PDZD2: variants seen among roughly 807,000 people sequenced by gnomAD.
The protein encoded by PDZD2 is PDZ domain containing 2.
In PDZD2, 90 loss-of-function variants were observed where a neutral mutation model predicts 220.7. That is an observed-to-expected ratio of 0.41 (90% CI 0.34 to 0.49). The LOEUF is 0.49. Ranked by LOEUF, PDZD2 falls within the 20% of genes least tolerant of loss-of-function variation. The pLI is 0.28. For missense variants in PDZD2, 3,174 were observed against 3,608.5 expected (o/e 0.88, Z 3.08); for synonymous variants, 1,375 against 1,450.5 (o/e 0.95, Z 1.18).
intron 2 of PDZD2, among the ~76,000 whole-genome samples, chr5:31,872,677 C>T (rs1020691330): frequency 7.9e-5 from 12 of 152,096 alleles, no homozygotes; most frequent in African/African-American, 2.9e-4. Flanking sequence ...ACCATGGCTG[C>T]CCCCAAACTT....
intron 2 of PDZD2, among the ~76,000 whole-genome samples, chr5:31,865,564 A>G (rs1360175974): frequency 6.9e-6 from 1 of 145,450 alleles, no homozygotes; most frequent in Non-Finnish European, 1.5e-5. Flanking sequence ...CTCCTGCCTC[A>G]GGTTCCCAAA....
chr5:32,091,411 A>C (rs1372146738), intron 20 of PDZD2, among the ~76,000 whole-genome samples: 1 of 150,014 alleles, frequency 6.7e-6, no homozygotes, highest in African/African-American at 2.5e-5. Context: ...CAGCCTCCTG[A>C]GTAGCTGGGA....
At chr5:31,926,526 GAAAAAAAA>G (rs71300157) in intron 2 of PDZD2, among the ~76,000 whole-genome samples, 8 of 84,004 alleles carry the variant, frequency 9.5e-5, no homozygotes, top group Admixed American at 8.0e-4. Context: ...AACTGCATCT[GAAAAAAAA>G]AAAAAAAAAA....
intron 6 of PDZD2, among the ~76,000 whole-genome samples, chr5:32,022,890 G>A (rs188107723): frequency 1.6e-3 from 250 of 152,260 alleles, no homozygotes; most frequent in African/African-American, 5.6e-3. Flanking sequence ...GATTACTCAA[G>A]CAGCGTGGCA....
At chr5:31,880,605 C>CTGTA (rs1383821522) in intron 2 of PDZD2, among the ~76,000 whole-genome samples, 1 of 152,070 alleles carries the variant, frequency 6.6e-6, no homozygotes, top group Non-Finnish European at 1.5e-5. Flanking sequence ...ATTCATAGCT[C>CTGTA]TGTACTAAAT....
chr5:31,706,399 G>C (rs1198287747), intron 1 of PDZD2, among the ~76,000 whole-genome samples: 1 of 152,054 alleles, frequency 6.6e-6, no homozygotes, highest in Non-Finnish European at 1.5e-5. Context: ...ATTGAAGGGG[G>C]CAGGACTGGT....
chr5:32,106,469 C>T (rs1352615915), intron 24 of PDZD2: 1 of 152,258 alleles, frequency 6.6e-6, no homozygotes, highest in East Asian at 1.9e-4. Flanking sequence ...AGAAGACTTT[C>T]CTCTACTTCA....
At chr5:31,752,069 G>GTTTTTTTTTTTTTTTTTTTTTTTTTTT (rs1491302993) in intron 1 of PDZD2, among the ~76,000 whole-genome samples, 2 of 95,858 alleles carry the variant, frequency 2.1e-5, no homozygotes, top group Non-Finnish European at 3.8e-5. Context: ...ATTGTTTTGG[G>GTTTTTTTTTTTTTTTTTTTTTTTTTTT]TTTGTTTTTT....
chr5:31,887,825 A>AG (rs936324601), intron 2 of PDZD2, among the ~76,000 whole-genome samples: 6 of 139,968 alleles, frequency 4.3e-5, no homozygotes, highest in African/African-American at 8.0e-5. Context: ...TGTGCGGGGG[A>AG]GGGGGGGAAC....
intron 3 of PDZD2, among the ~76,000 whole-genome samples, chr5:31,984,820 C>T (rs532498215): frequency 6.6e-6 from 1 of 152,026 alleles, no homozygotes; most frequent in Non-Finnish European, 1.5e-5. Flanking sequence ...AGAGCAATAC[C>T]CTGTCTCAAA....
rs1747704173 is a variant in PDZD2, at chr5:31,703,921, T to TCTCTCTCTCTC, written c.-361+64496_-361+64506dup. On this transcript the variant is annotated intron_variant, in intron 1 of 24. Coordinates refer to ENST00000438447, the MANE Select transcript of PDZD2 (RefSeq NM_178140.4). ...TACTGCTCAATTTCTTTCCTTTTTCTCTCTCTCTCTCCTCTCTCTCTCTCT... is the reference window on the plus strand; with the variant it reads ...TACTGCTCAATTTCTTTCCTTTTTCTCTCTCTCTCTCCTCTCTCTCTCCTCTCTCTCTCTCT... Among the ~76,000 whole-genome samples the TCTCTCTCTCTC allele has an allele frequency of 2.6e-5, 4 of 151,440 alleles. No individual in the cohort carries two copies. The South Asian group carries it at 8.3e-4, about 32-fold the overall frequency.
chr5:31,739,995 T>C (rs28896230), intron 1 of PDZD2, among the ~76,000 whole-genome samples: 37,379 of 152,092 alleles, frequency 0.25, 4,765 homozygotes, highest in Non-Finnish European at 0.25. Flanking sequence ...CTTTGGCCTT[T>C]CAGAAAGTTA....
rs959241920 is a variant in PDZD2, at chr5:31,936,016, G to T, written c.477-47139G>T. On this transcript the variant is annotated intron_variant, in intron 2 of 24. Transcript: ENST00000438447. ...CAATACACTGGCAGGGCAAGGATTG[G>T]CTCCTTCTCTTACAAACACAGCGTG... 37 of 827,856 alleles carry T rather than the reference G, an allele frequency of 4.5e-5. No homozygotes were observed. The African/African-American group carries it at 6.1e-4, about 14-fold the overall frequency. 51.3% of individuals were successfully genotyped at this position (827,856 alleles called of 1,614,324 possible).
intron 19 of PDZD2, among the ~76,000 whole-genome samples, chr5:32,079,269 C>CAAAAAAAAAAAAAAAAAAA (rs796887034): frequency 1.2e-5 from 1 of 82,838 alleles, no homozygotes; most frequent in Non-Finnish European, 2.5e-5. Flanking sequence ...AAAAAAAAAA[C>CAAAAAAAAAAAAAAAAAAA]AAAAAAAAAA....
intron 2 of PDZD2, among the ~76,000 whole-genome samples, chr5:31,814,305 G>C (rs1263938186): frequency 1.3e-5 from 2 of 152,098 alleles, no homozygotes; most frequent in African/African-American, 4.8e-5. Context: ...AAAATATTTA[G>C]AGTTTTATTC....
At chr5:31,779,972 G>A (rs1281832001) in intron 1 of PDZD2, among the ~76,000 whole-genome samples, 4 of 152,178 alleles carry the variant, frequency 2.6e-5, no homozygotes. Flanking sequence ...GTCTTCGCTA[G>A]AGGATTGAAG....
chr5:31,885,255 T>C (rs1349298135), intron 2 of PDZD2, among the ~76,000 whole-genome samples: 1 of 150,968 alleles, frequency 6.6e-6, no homozygotes, highest in Non-Finnish European at 1.5e-5. Flanking sequence ...TTAATACTAC[T>C]CTTTACTATC....
chr5:32,023,951 G>T (rs1396076170), intron 6 of PDZD2, among the ~76,000 whole-genome samples: 7 of 152,194 alleles, frequency 4.6e-5, no homozygotes, highest in African/African-American at 1.7e-4. Context: ...CGCCTGGGAC[G>T]TGAATCACCC....
At chr5:32,107,367 C>T (rs116113118) in intron 24 of PDZD2, 2,083 of 152,128 alleles carry the variant, frequency 0.014, 24 homozygotes, top group Non-Finnish European at 0.02. Context: ...ACAGCCTGGG[C>T]AACATGGCAA....
Sources: gnomAD v4.1 joint callset for allele counts (sites outside exome capture counted in the v4.1 genomes callset) on GRCh38, gnomAD v4.1.1 for gene constraint, MANE v1.5 for transcripts, NCBI Gene and HGNC (gene_info 2026-07-23, HGNC 2026-07-21) for gene names.